The following SUMF1 variants were observed in gnomAD, a reference collection of about 807,000 sequenced individuals.
SUMF1 encodes the protein formylglycine-generating enzyme.
SUMF1 carries 48 observed loss-of-function variants against 47.6 expected under a neutral mutation model. The ratio of observed to expected loss-of-function variants is 1.01; its 90% CI spans 0.80 to 1.28. The LOEUF (loss-of-function observed/expected upper bound fraction) is 1.28. Among genes scored for constraint, SUMF1 ranks in the 50% most tolerant of loss-of-function variants. The pLI is 0.00. For missense variants in SUMF1, 571 were observed against 485.4 expected (o/e 1.18, Z -1.66); for synonymous variants, 230 against 192.1 (o/e 1.20, Z -1.63).
At chr3:4,192,944 C>A (rs138829006) in intron 8 of SUMF1, among the ~76,000 whole-genome samples, 1,815 of 152,178 alleles carry the variant, frequency 0.012, 21 homozygotes, top group South Asian at 0.04. Context: ...CAATGTCTGC[C>A]ACGTAAGAAT....
At chr3:4,176,114 T>G (rs896258083) in intron 8 of SUMF1, among the ~76,000 whole-genome samples, 4 of 152,128 alleles carry the variant, frequency 2.6e-5, no homozygotes, top group Non-Finnish European at 5.9e-5. Context: ...AAAACACTCT[T>G]CAGGATATTA....
intron 8 of SUMF1, among the ~76,000 whole-genome samples, chr3:4,266,338 G>A (rs1015947215): frequency 6.6e-4 from 100 of 151,818 alleles, no homozygotes; most frequent in Non-Finnish European, 1.2e-3. Context: ...CCATTTTCAC[G>A]ATATTGATTC....
intron 8 of SUMF1, among the ~76,000 whole-genome samples, chr3:4,287,784 C>T (rs979038454): frequency 2.6e-5 from 4 of 152,196 alleles, no homozygotes; most frequent in Admixed American, 2.6e-4. Flanking sequence ...TAGTGCTTTT[C>T]CTTGTCATCT....
chr3:4,365,147 A>C, intron 8 of SUMF1, among the ~76,000 whole-genome samples: 1 of 136,482 alleles, frequency 7.3e-6, no homozygotes, highest in African/African-American at 2.7e-5. Flanking sequence ...TATGTGGTCA[A>C]TTTTGGAATA....
At chr3:4,238,342 G>A (rs1696457528) in intron 8 of SUMF1, among the ~76,000 whole-genome samples, 1 of 152,106 alleles carries the variant, frequency 6.6e-6, no homozygotes, top group African/African-American at 2.4e-5. Flanking sequence ...GATCCTTGAG[G>A]AATTGCCATA....
chr3:4,227,996 G>A lies in SUMF1; in HGVS notation c.1014+148334C>T, dbSNP rs115520700. ...AGTTGGAGTAGCCATAGGGACAGTT[G>A]GAGGTTACAGAAAGAGAACACAATG... On this transcript the variant is annotated intron_variant and NMD_transcript_variant, in intron 8 of 12. Coordinates refer to the SUMF1 transcript ENST00000448413. 2.7e-3 allele frequency among the ~76,000 whole-genome samples: 404 copies of A among 152,178 alleles called. 3 individuals are homozygous for A. The highest frequency in any genetic ancestry group is 9.3e-3 in the African/African-American group (385 of 41,534).
intron 8 of SUMF1, among the ~76,000 whole-genome samples, chr3:4,333,380 C>G (rs1699086199): frequency 6.6e-6 from 1 of 152,202 alleles, no homozygotes; most frequent in Non-Finnish European, 1.5e-5. Flanking sequence ...GTTACACATC[C>G]TCAGGGGGGT....
intron 8 of SUMF1, among the ~76,000 whole-genome samples, chr3:4,198,726 C>T (rs952531470): frequency 4.6e-5 from 7 of 152,056 alleles, no homozygotes; most frequent in African/African-American, 1.7e-4. Flanking sequence ...CCTCAGAAGC[C>T]TCACTCAACC....
chr3:4,361,997 A>G lies in SUMF1; in HGVS notation c.*147T>C. On this transcript the variant is annotated 3_prime_UTR_variant, in exon 9 of 9. Coordinates refer to ENST00000272902, the MANE Select transcript of SUMF1 (RefSeq NM_182760.4). ...TGACCCAGGTCAGCAATTTGGTCTC[A>G]CAAGGCGGTTCCTTTGGCCATTGGG... 1.4e-6 allele frequency: 1 copy of G among 717,574 alleles called. No individual in the cohort carries two copies. Among genetic ancestry groups the G allele is most frequent in the East Asian group, 2.7e-5 (1 of 36,726 alleles). The allele number at this position is 717,574 out of a possible 1,614,324, so 44.5% of individuals were successfully genotyped here.
intron 8 of SUMF1, chr3:4,316,843 G>A: frequency 3.2e-6 from 5 of 1,550,118 alleles, no homozygotes; most frequent in Non-Finnish European, 4.4e-6. Context: ...CTGAATCCCG[G>A]TGAAACCATT....
At chr3:4,064,494 A>G (rs1238199408) in intron 9 of SUMF1, among the ~76,000 whole-genome samples, 1 of 152,126 alleles carries the variant, frequency 6.6e-6, no homozygotes, top group Non-Finnish European at 1.5e-5. Context: ...AGAAATAACT[A>G]TAAGTATACT....
intron 2 of SUMF1, 51 bp from the exon 3 acceptor site, chr3:4,449,391 T>C (rs370351015): frequency 2.6e-6 from 4 of 1,559,856 alleles, no homozygotes; most frequent in Non-Finnish European, 3.5e-6. Context: ...AGTAATGTGT[T>C]GCATGTGTGC....
chr3:4,223,842 A>G (rs1318193106), intron 8 of SUMF1, among the ~76,000 whole-genome samples: 1 of 152,156 alleles, frequency 6.6e-6, no homozygotes, highest in African/African-American at 2.4e-5. Context: ...GCTCTGACTA[A>G]AAATTGCTCA....
At chr3:4,077,670 G>A (rs1692469574) in intron 8 of SUMF1, among the ~76,000 whole-genome samples, 1 of 152,036 alleles carries the variant, frequency 6.6e-6, no homozygotes, top group Non-Finnish European at 1.5e-5. Context: ...GTTGGGGGCT[G>A]GGGGAGGGAT....
At chr3:4,066,744 C>A (rs1034066678) in intron 9 of SUMF1, among the ~76,000 whole-genome samples, 5 of 152,270 alleles carry the variant, frequency 3.3e-5, no homozygotes, top group East Asian at 1.9e-4. Flanking sequence ...TATAACAAAG[C>A]CTTATCCCCT....
At chr3:4,383,946 G>T (rs768729429) in intron 7 of SUMF1, among the ~76,000 whole-genome samples, 8 of 143,318 alleles carry the variant, frequency 5.6e-5, no homozygotes, top group Non-Finnish European at 1.3e-4. Flanking sequence ...AAAATGCATA[G>T]TATTACTGTC....
At chr3:4,436,904 G>A (rs1467854335) in intron 3 of SUMF1, among the ~76,000 whole-genome samples, 3 of 148,968 alleles carry the variant, frequency 2.0e-5, no homozygotes, top group Non-Finnish European at 4.4e-5. Flanking sequence ...ACTGACTAAT[G>A]ACTGACTTCT....
intron 1 of SUMF1, among the ~76,000 whole-genome samples, chr3:4,457,895 A>G (rs1217645272): frequency 6.6e-6 from 1 of 152,190 alleles, no homozygotes; most frequent in African/African-American, 2.4e-5. Flanking sequence ...AACAAATAGG[A>G]TTGTATCAAA....
In SUMF1 at chr3:4,044,096, T is replaced by C. The variant is rs544625482; in HGVS notation, c.1191+24473A>G. 1.4e-4 allele frequency among the ~76,000 whole-genome samples: 22 copies of C among 152,254 alleles called. No individual in the cohort carries two copies. The South Asian group carries it at 4.4e-3, about 30-fold the overall frequency. Reference sequence around the variant, plus strand: ...AGACCATGAGCTCAGAGGTTACACATAACCTATAATAATAGTTGTGTCTTC... The same window carrying C: ...AGACCATGAGCTCAGAGGTTACACACAACCTATAATAATAGTTGTGTCTTC... On this transcript the variant is annotated intron_variant and NMD_transcript_variant, in intron 9 of 12. Transcript: ENST00000448413.
Sources: allele counts gnomAD v4.1 joint callset (sites outside exome capture counted in the v4.1 genomes callset), GRCh38; gene constraint gnomAD v4.1.1; transcripts MANE v1.5; gene names NCBI Gene and HGNC (gene_info 2026-07-23, HGNC 2026-07-21).